RAI1: variants seen among roughly 807,000 people sequenced by gnomAD.
RAI1 encodes retinoic acid-induced protein 1.
RAI1 carries 9 observed loss-of-function variants against 123.8 expected under a neutral mutation model. The ratio of observed to expected loss-of-function variants is 0.07; its 90% confidence interval spans 0.04 to 0.13. The LOEUF (loss-of-function observed/expected upper bound fraction) is 0.13. Among genes scored for constraint, RAI1 ranks in the 10% least tolerant of loss-of-function variants. RAI1 has a pLI of 1.00. For missense variants in RAI1, 2,256 were observed against 2,545.8 expected (o/e 0.89, Z 2.45); for synonymous variants, 1,231 against 1,127.3 (o/e 1.09, Z -1.84).
At chr17:17,778,598 G>A (rs949319023) in intron 2 of RAI1, 1 of 388,194 alleles carries the variant, frequency 2.6e-6, no homozygotes, top group African/African-American at 2.1e-5. Flanking sequence ...AGTGGGCATG[G>A]GGGCAGATGG....
At chr17:17,741,160 C>G (rs1285426237) in intron 2 of RAI1, among the ~76,000 whole-genome samples, 1 of 152,148 alleles carries the variant, frequency 6.6e-6, no homozygotes, top group Admixed American at 6.5e-5. Flanking sequence ...TAAGCGCACA[C>G]GTACACGCAC....
chr17:17,710,853 A>G (rs567037293), intron 1 of RAI1, among the ~76,000 whole-genome samples: 1 of 152,320 alleles, frequency 6.6e-6, no homozygotes, highest in African/African-American at 2.4e-5. Context: ...CTTCTTGCCC[A>G]AGGTCACACA....
chr17:17,803,818 C>T lies in RAI1; in HGVS notation c.5628C>T (p.His1876=), dbSNP rs1440125357. The T allele has an allele frequency of 1.2e-6, 2 of 1,613,428 alleles. No homozygotes were observed. Among genetic ancestry groups the T allele is most frequent in the Non-Finnish European group, 1.7e-6 (2 of 1,180,020 alleles). Reference sequence around the variant, plus strand: ...GGTGCTGCCACAAAGGATGCCTCCACACCTACCACTACCCGTGTGCCAGCG... The same window carrying T: ...GGTGCTGCCACAAAGGATGCCTCCATACCTACCACTACCCGTGTGCCAGCG... The part of the protein sequence containing the change: ...TIGCCHKGCL[H]TYHYPCASDA... The change falls in exon 4 of 6, where the codon CAC becomes CAT. Residue 1876 remains histidine (H), a synonymous_variant. Coordinates refer to ENST00000353383, the MANE Select transcript of RAI1 (RefSeq NM_030665.4).
chr17:17,754,385 C>T (rs553493222), intron 2 of RAI1, among the ~76,000 whole-genome samples: 138 of 151,958 alleles, frequency 9.1e-4, no homozygotes, highest in African/African-American at 2.8e-3. Context: ...TACAGGCATG[C>T]GCCACCACAC....
chr17:17,787,752 G>A (rs1163848233), intron 2 of RAI1, among the ~76,000 whole-genome samples: 1 of 152,196 alleles, frequency 6.6e-6, no homozygotes, highest in Non-Finnish European at 1.5e-5. Context: ...TAGAGTTAGG[G>A]GACCTGGGCA....
chr17:17,718,211 C>T (rs536115469), intron 1 of RAI1, among the ~76,000 whole-genome samples: 188 of 150,978 alleles, frequency 1.2e-3, no homozygotes, highest in African/African-American at 4.2e-3. Flanking sequence ...CTGCATGGGT[C>T]GGGGTGGGTG....
rs1396006836 is a variant in RAI1 at position 17,795,777 on chromosome 17, G to A, written c.2829G>A (p.Glu943=). ...GTESKVQSWF[E]SSLSHMKPGE... is the part of the protein sequence containing the mutation. Reference sequence around the variant, plus strand: ...AGTCAAAGGTCCAGAGCTGGTTTGAGTCCTCTCTGTCACACATGAAGCCAG... The same window carrying A: ...AGTCAAAGGTCCAGAGCTGGTTTGAATCCTCTCTGTCACACATGAAGCCAG... Residue 943 remains glutamate, a synonymous_variant, in exon 3 of 6, where the codon GAG becomes GAA. Coordinates refer to ENST00000353383, the MANE Select transcript of RAI1 (RefSeq NM_030665.4). The surrounding 1 kb of genome is among the most constrained non-coding windows in gnomAD (Gnocchi z 5.9). The A allele has an allele frequency of 3.1e-6, 5 of 1,613,616 alleles. No homozygotes were observed. Among genetic ancestry groups the A allele is most frequent in the Non-Finnish European group, 3.4e-6 (4 of 1,180,020 alleles).
At chr17:17,703,533 G>A (rs1046850683) in intron 1 of RAI1, among the ~76,000 whole-genome samples, 4 of 152,272 alleles carry the variant, frequency 2.6e-5, no homozygotes, top group Admixed American at 1.3e-4. Flanking sequence ...TGTTGGCTCC[G>A]GCTCTGGGGC....
At chr17:17,768,518 C>T (rs1332768688) in intron 2 of RAI1, among the ~76,000 whole-genome samples, 5 of 152,184 alleles carry the variant, frequency 3.3e-5, no homozygotes, top group Non-Finnish European at 5.9e-5. Context: ...AGTACCCCAG[C>T]GAGGCCAGGT....
In RAI1 at chr17:17,800,184, C is replaced by CTCTCTCTCTG. The variant is rs2032408888; in HGVS notation, c.5565+1680_5565+1681insGTCTCTCTCT. On this transcript the variant is annotated intron_variant, in intron 3 of 5. Coordinates refer to ENST00000353383, the MANE Select transcript of RAI1 (RefSeq NM_030665.4). The surrounding 1 kb of genome is among the most constrained non-coding windows in gnomAD (Gnocchi z 4.7). ...TCCTGCTTTCTGTCTCTCTCTGTCTCTCTCTCTCTCTCTCTCTCTCTCTCT... is the reference window on the plus strand; with the variant it reads ...TCCTGCTTTCTGTCTCTCTCTGTCTCTCTCTCTCTGTCTCTCTCTCTCTCTCTCTCTCTCT... 2.4e-5 allele frequency among the ~76,000 whole-genome samples: 1 copy of CTCTCTCTCTG among 41,110 alleles called. No homozygotes were observed. Among genetic ancestry groups the CTCTCTCTCTG allele is most frequent in the African/African-American group, 1.3e-4 (1 of 7,794 alleles). 27.0% of individuals were successfully genotyped at this position (41,110 alleles called of 152,430 possible).
rs1485876923 is a variant in RAI1 at position 17,795,039 on chromosome 17, T to G, written c.2091T>G (p.Pro697=). The change falls in exon 3 of 6, where the codon CCT becomes CCG. Residue 697 remains proline (P), a synonymous_variant. Coordinates refer to ENST00000353383, the MANE Select transcript of RAI1 (RefSeq NM_030665.4). This position sits in a 1 kb window ranked among gnomAD's most constrained non-coding sequence, Gnocchi z 5.9. ...ACCCTTCCGTGGCCTTCGCTACGCC[T>G]GACCCCAAAAAGACAACTGGTCCTC... ...FEDPSVAFAT[P]DPKKTTGPLS... is the part of the protein sequence containing the mutation. 7 of 1,614,040 alleles carry G rather than the reference T, an allele frequency of 4.3e-6. No individual in the cohort carries two copies. In the African/African-American group the frequency reaches 8.0e-5, roughly 18 times the overall value.
Position 17,794,538 on chromosome 17 carries a change from C to T in RAI1, c.1590C>T (p.Leu530=), listed in dbSNP as rs2032156699. Residue 530 remains leucine (L), a synonymous_variant, in exon 3 of 6, where the codon CTC becomes CTT. Coordinates refer to ENST00000353383, the MANE Select transcript of RAI1 (RefSeq NM_030665.4). ...GSEDPLERSF[L]YCNQARGSPA... ...AGGACCCACTGGAGCGCAGCTTCCT[C>T]TACTGCAACCAGGCCCGTGGCAGCC... 2 of 1,612,976 alleles carry T rather than the reference C, an allele frequency of 1.2e-6. No individual in the cohort carries two copies. The highest frequency in any genetic ancestry group is 1.3e-5 in the African/African-American group (1 of 74,946).
intron 2 of RAI1, among the ~76,000 whole-genome samples, chr17:17,763,080 G>C (rs2030775143): frequency 6.6e-6 from 1 of 151,684 alleles, no homozygotes; most frequent in South Asian, 2.1e-4. Flanking sequence ...CTTTCTCTGA[G>C]ATTCCAACTT....
At chr17:17,711,000 C>G (rs1264264257) in intron 1 of RAI1, among the ~76,000 whole-genome samples, 2 of 152,186 alleles carry the variant, frequency 1.3e-5, no homozygotes, top group African/African-American at 4.8e-5. Context: ...GCCTCCTCCC[C>G]CTCCCCTGCT....
intron 2 of RAI1, among the ~76,000 whole-genome samples, chr17:17,735,205 A>G (rs940751941): frequency 2.6e-5 from 4 of 151,448 alleles, no homozygotes; most frequent in African/African-American, 7.3e-5. Flanking sequence ...GGCTCCCACC[A>G]CCACGCCCAG....
At chr17:17,743,815 A>G (rs1272842013) in intron 2 of RAI1, among the ~76,000 whole-genome samples, 2 of 152,238 alleles carry the variant, frequency 1.3e-5, no homozygotes, top group Admixed American at 1.3e-4. Context: ...GATCCCTTCC[A>G]GGATCAGGAA....
chr17:17,729,229 T>G (rs1178829909), intron 2 of RAI1, among the ~76,000 whole-genome samples: 2 of 152,234 alleles, frequency 1.3e-5, no homozygotes, highest in Non-Finnish European at 2.9e-5. Flanking sequence ...GGAAGGAGTC[T>G]GGGCCTGGTC....
At chr17:17,702,706 G>T (rs561450443) in intron 1 of RAI1, among the ~76,000 whole-genome samples, 6 of 152,298 alleles carry the variant, frequency 3.9e-5, no homozygotes, top group Admixed American at 1.3e-4. Context: ...GCTCACAGGG[G>T]TTTAGCACCT....
intron 2 of RAI1, among the ~76,000 whole-genome samples, chr17:17,763,403 T>C (rs1008773414): frequency 3.3e-5 from 5 of 152,134 alleles, no homozygotes; most frequent in African/African-American, 1.2e-4. Context: ...CTTGTTCCTA[T>C]GGGAAATGAC....
Sources: allele counts gnomAD v4.1 joint callset (sites outside exome capture counted in the v4.1 genomes callset), GRCh38; gene constraint gnomAD v4.1.1; non-coding constraint Gnocchi (gnomAD v3.1); transcripts MANE v1.5; gene names NCBI Gene and HGNC (gene_info 2026-07-23, HGNC 2026-07-21).